Variants in OCA2 observed in about 807,000 individuals in gnomAD.
The protein encoded by OCA2 is OCA2 melanosomal transmembrane protein, also known as P protein.
Under a neutral mutation model 100.2 loss-of-function variants are expected in OCA2, and 77 were observed. That is an observed-to-expected ratio of 0.77 (90% CI 0.64 to 0.93). The LOEUF (loss-of-function observed/expected upper bound fraction) is 0.93, where lower values mean the gene tolerates loss of function less well. OCA2 is among the 40% of genes least tolerant of loss of function. OCA2 has a pLI of 0.00. For missense variants in OCA2, 1,062 were observed against 1,089.1 expected (o/e 0.98, Z 0.35); for synonymous variants, 432 against 439.2 (o/e 0.98, Z 0.21).
chr15:27,998,925 C>G (rs1290701923), intron 9 of OCA2, among the ~76,000 whole-genome samples: 4 of 151,244 alleles, frequency 2.6e-5, no homozygotes, highest in African/African-American at 9.7e-5. Context: ...TGGAAATCAT[C>G]ATTCTCAGTA....
chr15:27,830,609 C>T (rs2034911573), intron 23 of OCA2, among the ~76,000 whole-genome samples: 1 of 152,122 alleles, frequency 6.6e-6, no homozygotes, highest in Non-Finnish European at 1.5e-5. Context: ...ATATCAACTT[C>T]TGGGAAGTTT....
At chr15:27,848,743 A>AT (rs1370333935) in intron 22 of OCA2, among the ~76,000 whole-genome samples, 1 of 152,246 alleles carries the variant, frequency 6.6e-6, no homozygotes, top group Non-Finnish European at 1.5e-5. Context: ...GAACAGTGAG[A>AT]TTTTCCACTT....
intron 14 of OCA2, among the ~76,000 whole-genome samples, chr15:27,979,522 A>G (rs543716395): frequency 2.0e-5 from 3 of 152,202 alleles, no homozygotes; most frequent in African/African-American, 7.2e-5. Flanking sequence ...TCTAAATTCC[A>G]TTCCATTAAA....
intron 19 of OCA2, among the ~76,000 whole-genome samples, chr15:27,878,787 T>C (rs78367646): frequency 0.016 from 2,394 of 152,290 alleles, 55 homozygotes; most frequent in African/African-American, 0.05. Flanking sequence ...CAAATATCTT[T>C]TTCTCTTAAT....
intron 19 of OCA2, among the ~76,000 whole-genome samples, chr15:27,898,658 G>C (rs2037805968): frequency 6.6e-6 from 1 of 152,148 alleles, no homozygotes; most frequent in African/African-American, 2.4e-5. Context: ...GGATCATATG[G>C]TAGGTAAAAT....
chr15:27,866,311 G>C (rs955347708), intron 21 of OCA2, among the ~76,000 whole-genome samples: 2 of 152,154 alleles, frequency 1.3e-5, no homozygotes, highest in Non-Finnish European at 2.9e-5. Flanking sequence ...TGAAGAGGTG[G>C]CACCACATCA....
intron 23 of OCA2, among the ~76,000 whole-genome samples, chr15:27,782,321 G>A (rs772562485): frequency 6.6e-6 from 1 of 152,162 alleles, no homozygotes; most frequent in East Asian, 1.9e-4. Context: ...CTGTGCCTCC[G>A]TGACAAAACA....
At chr15:27,900,379 T>C (rs2037879974) in intron 19 of OCA2, among the ~76,000 whole-genome samples, 1 of 152,098 alleles carries the variant, frequency 6.6e-6, no homozygotes, top group African/African-American at 2.4e-5. Context: ...AAGACTCCCA[T>C]ACTGGGAGCC....
At position 27,957,708 on chromosome 15, in the gene OCA2, C is replaced by T. The variant is rs768169106; in HGVS notation, c.1664G>A (p.Arg555His). 3.7e-6 allele frequency: 6 copies of T among 1,613,106 alleles called. No homozygotes were observed. The highest frequency in any genetic ancestry group is 2.2e-5 in the East Asian group (1 of 44,854). ...VELKHEIHVW[R>H]LTAQRISPAS... ...CGGGCTGATGCGCTGAGCAGTCAGG[C>T]GCCAGACGTGAATCTCGTGCTTCAG... The change falls in exon 16 of 24, where the codon CGC becomes CAC. Residue 555 changes from arginine (R) to histidine (H), a missense_variant. Physicochemically the swap from Arg to His is conservative, Grantham distance 29. Coordinates refer to ENST00000354638, the MANE Select transcript of OCA2 (RefSeq NM_000275.3). The surrounding 1 kb of genome is among the most constrained non-coding windows in gnomAD (Gnocchi z 4.3).
chr15:28,006,285 T>G (rs1048507892), intron 9 of OCA2, among the ~76,000 whole-genome samples: 39 of 152,318 alleles, frequency 2.6e-4, no homozygotes, highest in African/African-American at 9.1e-4. Flanking sequence ...TCATTGGATC[T>G]GGCTTCGAAC....
At chr15:27,754,037 C>T (rs2150967384), downstream of OCA2, among the ~76,000 whole-genome samples, 1 of 152,240 alleles carries the variant, frequency 6.6e-6, no homozygotes, top group South Asian at 2.1e-4. Flanking sequence ...GTACGGGCAG[C>T]ACGGGAGTGG....
At chr15:27,736,564 G>A in the OCA2 span, among the ~76,000 whole-genome samples, 1 of 152,136 alleles carries the variant, frequency 6.6e-6, no homozygotes, top group South Asian at 2.1e-4. Context: ...CTTATAAAAG[G>A]ACTTATTACA....
Position 28,081,720 on chromosome 15 carries a change from G to A in OCA2, c.155C>T (p.Pro52Leu), listed in dbSNP as rs200885801. Reference sequence around the variant, plus strand: ...AGAGCTCTGCCCGGCAGCCCCCCTGGGGCAGGAGTGCGAGGGGTCAGCTCC... The same window carrying A: ...AGAGCTCTGCCCGGCAGCCCCCCTGAGGCAGGAGTGCGAGGGGTCAGCTCC... ...AGGADPSHSC[P>L]RGAAGQSSWA... The change falls in exon 2 of 24, where the codon CCC becomes CTC. Residue 52 changes from proline to leucine, a missense_variant. Transcript: ENST00000354638. 1.9e-6 allele frequency: 3 copies of A among 1,613,722 alleles called. No homozygotes were observed. Among genetic ancestry groups the A allele is most frequent in the East Asian group, 4.5e-5 (2 of 44,878 alleles).
At chr15:27,874,449 G>A (rs2151512849) in intron 19 of OCA2, among the ~76,000 whole-genome samples, 1 of 152,288 alleles carries the variant, frequency 6.6e-6, no homozygotes, top group South Asian at 2.1e-4. Context: ...GCAGTTTCTG[G>A]AGGAAAGCAT....
At chr15:27,914,186 T>C (rs1371326619) in intron 19 of OCA2, among the ~76,000 whole-genome samples, 1 of 151,254 alleles carries the variant, frequency 6.6e-6, no homozygotes, top group Non-Finnish European at 1.5e-5. Context: ...AAATTCAACA[T>C]CCCTAGGTAT....
intron 20 of OCA2, 59 bp downstream of exon 20, chr15:27,871,804 T>A: frequency 1.6e-6 from 2 of 1,248,030 alleles, no homozygotes; most frequent in East Asian, 4.6e-5. Flanking sequence ...TTTTTTAATT[T>A]TTTTCACAAA....
intron 23 of OCA2, among the ~76,000 whole-genome samples, chr15:27,773,362 T>C (rs959605617): frequency 4.1e-4 from 63 of 152,342 alleles, no homozygotes; most frequent in African/African-American, 1.4e-3. Flanking sequence ...ACCCGCCTAA[T>C]AGAAAGTTTT....
intron 23 of OCA2, among the ~76,000 whole-genome samples, chr15:27,770,856 T>TCCTC (rs1566949045): frequency 1.2e-5 from 1 of 84,572 alleles, no homozygotes; most frequent in Non-Finnish European, 2.1e-5. Context: ...CTTCCTTCCT[T>TCCTC]TCTTCCTTCC....
intron 18 of OCA2, among the ~76,000 whole-genome samples, chr15:27,926,795 G>T (rs926800883): frequency 3.3e-5 from 5 of 151,766 alleles, no homozygotes; most frequent in Non-Finnish European, 7.4e-5. Flanking sequence ...TCTATTTTTA[G>T]TAGAGATGAG....
Sources: gnomAD v4.1 joint callset for allele counts (sites outside exome capture counted in the v4.1 genomes callset) on GRCh38, gnomAD v4.1.1 for gene constraint, Gnocchi (gnomAD v3.1) non-coding constraint, MANE v1.5 for transcripts, NCBI Gene and HGNC (gene_info 2026-07-23, HGNC 2026-07-21) for gene names.